The following SCARB2 variants were observed in gnomAD, a reference collection of about 807,000 sequenced individuals.
SCARB2 encodes the protein lysosome membrane protein 2.
Under a neutral mutation model 58.6 loss-of-function variants are expected in SCARB2, and 29 were observed. That is an observed-to-expected ratio of 0.49 (90% confidence interval 0.37 to 0.67). SCARB2 has a LOEUF of 0.67. SCARB2 is among the 30% of genes least tolerant of loss of function. SCARB2 has a pLI of 0.00. For synonymous variants in SCARB2, 195 were observed against 210.1 expected, an observed-to-expected ratio of 0.93 and a Z score of 0.62; for missense variants, 488 against 578.5, an observed-to-expected ratio of 0.84 and a Z score of 1.60.
intron 1 of SCARB2, among the ~76,000 whole-genome samples, chr4:76,225,551 G>C (rs567923171): frequency 4.1e-4 from 62 of 152,208 alleles, no homozygotes; most frequent in African/African-American, 1.5e-3. Flanking sequence ...ATTACCTTAA[G>C]GTATGCCCCT....
At chr4:76,168,360 G>T in intron 9 of SCARB2, 43 bp downstream of exon 9, 1 of 1,494,816 alleles carries the variant, frequency 6.7e-7, no homozygotes, top group Non-Finnish European at 9.3e-7. Context: ...ACGGGCAATG[G>T]AGCAAAACTG....
At chr4:76,179,210 C>A in intron 4 of SCARB2, 1 of 370,250 alleles carries the variant, frequency 2.7e-6, no homozygotes, top group Non-Finnish European at 5.2e-6. Context: ...TACATCACCA[C>A]AGCTGGCTAA....
intron 1 of SCARB2, among the ~76,000 whole-genome samples, chr4:76,207,093 G>A (rs1405902527): frequency 6.6e-6 from 1 of 152,130 alleles, no homozygotes; most frequent in East Asian, 1.9e-4. Context: ...GGACCCCTGG[G>A]GAGCCCGAAG....
At chr4:76,198,020 A>G (rs1732750057) in intron 1 of SCARB2, among the ~76,000 whole-genome samples, 1 of 152,198 alleles carries the variant, frequency 6.6e-6, no homozygotes, top group Non-Finnish European at 1.5e-5. Flanking sequence ...CTGTTCTAGC[A>G]AAACAAAGGC....
At chr4:76,212,857 T>C (rs1578743286) in intron 1 of SCARB2, among the ~76,000 whole-genome samples, 1 of 152,272 alleles carries the variant, frequency 6.6e-6, no homozygotes, top group East Asian at 1.9e-4. Flanking sequence ...AGACTGTTGG[T>C]ACAAGATACA....
At chr4:76,191,875 A>C (rs1206579178) in intron 2 of SCARB2, 7 of 152,556 alleles carry the variant, frequency 4.6e-5, no homozygotes, top group African/African-American at 1.7e-4. Context: ...GGTTCAAGCA[A>C]TTCTCCTGCC....
chr4:76,227,704 T>A (rs1733421467), intron 1 of SCARB2, among the ~76,000 whole-genome samples: 2 of 152,310 alleles, frequency 1.3e-5, no homozygotes, highest in South Asian at 4.1e-4. Flanking sequence ...ATTTGGGAGC[T>A]CCAGTGTTAG....
intron 1 of SCARB2, among the ~76,000 whole-genome samples, chr4:76,203,001 CT>C (rs1033456042): frequency 1.1e-4 from 16 of 152,056 alleles, no homozygotes; most frequent in African/African-American, 3.9e-4. Flanking sequence ...ATTTTGTTTT[CT>C]TTTTTTGAGA....
At chr4:76,170,072 T>C (rs1462190595) in intron 7 of SCARB2, 87 bp from the exon 8 acceptor site, 1 of 1,213,070 alleles carries the variant, frequency 8.2e-7, no homozygotes, top group African/African-American at 1.5e-5. Flanking sequence ...CACAGCCTGG[T>C]TCCTAAAGAA....
At chr4:76,205,380 T>C (rs948087702) in intron 1 of SCARB2, among the ~76,000 whole-genome samples, 1 of 151,716 alleles carries the variant, frequency 6.6e-6, no homozygotes, top group African/African-American at 2.4e-5. Flanking sequence ...CCCAAAATAT[T>C]GTATATTTGA....
intron 1 of SCARB2, among the ~76,000 whole-genome samples, chr4:76,223,875 A>G (rs138654469): frequency 6.6e-6 from 1 of 152,236 alleles, no homozygotes; most frequent in East Asian, 1.9e-4. Flanking sequence ...GGACTATTGA[A>G]GATCACTATG....
chr4:76,173,037 T>C (rs1161422151), intron 7 of SCARB2: 1 of 151,856 alleles, frequency 6.6e-6, no homozygotes, highest in Non-Finnish European at 1.5e-5. Context: ...AGCCCTAGTT[T>C]CCCCAATTAT....
At position 76,167,231 on chromosome 4, in the gene SCARB2, A is replaced by G. The variant is rs908867935; in HGVS notation, c.1188-930T>C. On this transcript the variant is annotated intron_variant, in intron 9 of 11. Transcript: ENST00000264896. ...GTGGGATCAGTGGGAATAGAGAGAG[A>G]GGAAGAGGAAGAGACTCTGTCTCAA... Among the ~76,000 whole-genome samples, 9 of 152,160 alleles carry G rather than the reference A, an allele frequency of 5.9e-5. 1 individual carries two copies. Among genetic ancestry groups the G allele is most frequent in the African/African-American group, 2.2e-4 (9 of 41,440 alleles).
At chr4:76,161,799 T>G (rs763601322) in intron 11 of SCARB2, 48 bp from the exon 12 acceptor site, 1 of 1,602,948 alleles carries the variant, frequency 6.2e-7, no homozygotes, top group Admixed American at 1.7e-5. Flanking sequence ...TGTCAGAAAC[T>G]TCTCCCCAGT....
intron 2 of SCARB2, among the ~76,000 whole-genome samples, chr4:76,184,272 A>C (rs1245844978): frequency 6.6e-6 from 1 of 152,178 alleles, no homozygotes; most frequent in Non-Finnish European, 1.5e-5. Context: ...ACAGGTACCT[A>C]AGAAACGCCT....
chr4:76,230,481 C>A (rs1295545165), intron 1 of SCARB2, among the ~76,000 whole-genome samples: 1 of 152,158 alleles, frequency 6.6e-6, no homozygotes, highest in East Asian at 1.9e-4. Context: ...CTCACCTGCC[C>A]CTCCCTGTCT....
rs1732189446 is a variant in SCARB2 at position 76,173,972 on chromosome 4, T to C, written c.994+172A>G. ...TTTTAGAGACAGTGGTCTCGCCATG[T>C]TGCCCAGGATGGACTTGAGAACTCC... On this transcript the variant is annotated intron_variant, in intron 7 of 11. Transcript: ENST00000264896. 5 of 723,410 alleles carry C rather than the reference T, an allele frequency of 6.9e-6. No individual in the cohort carries two copies. In the East Asian group the frequency reaches 1.2e-4, roughly 18 times the overall value. The allele number at this position is 723,410 out of a possible 1,614,324, so 44.8% of individuals were successfully genotyped here.
intron 1 of SCARB2, among the ~76,000 whole-genome samples, chr4:76,198,038 ATGCTGCCTCAGCTGCGGTCTGCTCTGC>A (rs891364666): frequency 1.3e-5 from 2 of 152,296 alleles, no homozygotes; most frequent in East Asian, 3.9e-4. Flanking sequence ...GGCGAGCCTG[ATGCTGCCTCAGCTGCGGTCTGCTCTGC>A]TGCAAAGGCC....
chr4:76,176,361 T>G, intron 5 of SCARB2, 76 bp downstream of exon 5: 3 of 989,358 alleles, frequency 3.0e-6, no homozygotes, highest in Non-Finnish European at 3.2e-6. Flanking sequence ...AACACATTTT[T>G]AAGCAATGTA....
Sources: allele counts gnomAD v4.1 joint callset (sites outside exome capture counted in the v4.1 genomes callset), GRCh38; gene constraint gnomAD v4.1.1; transcripts MANE v1.5; gene names NCBI Gene and HGNC (gene_info 2026-07-23, HGNC 2026-07-21).